SUMF1: variants seen among roughly 807,000 people sequenced by gnomAD.
The protein encoded by SUMF1 is sulfatase modifying factor 1.
SUMF1 carries 48 observed loss-of-function variants against 47.6 expected under a neutral mutation model. That is an observed-to-expected ratio of 1.01 (90% confidence interval 0.80 to 1.28). SUMF1 has a LOEUF of 1.28. Among genes scored for constraint, SUMF1 ranks in the 50% most tolerant of loss-of-function variants. The pLI is 0.00. For missense variants in SUMF1, 571 were observed against 485.4 expected (o/e 1.18, Z -1.66); for synonymous variants, 230 against 192.1 (o/e 1.20, Z -1.63).
chr3:4,151,588 C>CAT lies in SUMF1; in HGVS notation c.1015-82845_1015-82844dup, dbSNP rs1553604151. ...ACACACACACACACACACACACACACATGCAAGTATATAGAGCAGAGGTGT... is the reference window on the plus strand; with the variant it reads ...ACACACACACACACACACACACACACATATGCAAGTATATAGAGCAGAGGTGT... On this transcript the variant is annotated intron_variant and NMD_transcript_variant, in intron 8 of 12. Transcript: ENST00000448413. Among the ~76,000 whole-genome samples, 75 of 143,698 alleles carry CAT rather than the reference C, an allele frequency of 5.2e-4. 1 individual carries two copies. The highest frequency in any genetic ancestry group is 2.9e-3 in the East Asian group (14 of 4,904). The allele number at this position is 143,698 out of a possible 152,430, so 94.3% of individuals were successfully genotyped here.
At chr3:4,056,879 C>A (rs559580533) in intron 9 of SUMF1, among the ~76,000 whole-genome samples, 1 of 152,026 alleles carries the variant, frequency 6.6e-6, no homozygotes, top group East Asian at 1.9e-4. Flanking sequence ...GTAGCTGGGA[C>A]TACAGGTGCC....
chr3:4,366,371 G>A (rs1335140091), intron 8 of SUMF1, among the ~76,000 whole-genome samples: 1 of 152,026 alleles, frequency 6.6e-6, no homozygotes, highest in Non-Finnish European at 1.5e-5. Flanking sequence ...CGTAGATTTG[G>A]TCTTTTCACA....
chr3:4,335,069 G>A (rs985722939), intron 8 of SUMF1, among the ~76,000 whole-genome samples: 4 of 151,928 alleles, frequency 2.6e-5, no homozygotes, highest in South Asian at 4.1e-4. Context: ...TTTGTCTTTC[G>A]GCAGCTGCAG....
intron 8 of SUMF1, among the ~76,000 whole-genome samples, chr3:4,251,525 G>A (rs1192037461): frequency 1.3e-5 from 2 of 152,202 alleles, no homozygotes; most frequent in East Asian, 1.9e-4. Flanking sequence ...ATCATCACAT[G>A]CTTTACAGAG....
At chr3:4,211,121 T>TATATACACAC (rs150373609) in intron 8 of SUMF1, among the ~76,000 whole-genome samples, 5 of 128,296 alleles carry the variant, frequency 3.9e-5, no homozygotes, top group Admixed American at 1.6e-4. Context: ...TATATATATA[T>TATATACACAC]ACACACACAC....
Position 4,066,596 on chromosome 3 carries a change from T to C in SUMF1, c.1191+1973A>G, listed in dbSNP as rs546484055. On this transcript the variant is annotated intron_variant and NMD_transcript_variant, in intron 9 of 12. Coordinates refer to the SUMF1 transcript ENST00000448413. ...GAGATGCCAGACCCATTATTCCTCC[T>C]GACTGCTTCCTTACTCTTTCTTAAT... 8.5e-5 allele frequency among the ~76,000 whole-genome samples: 13 copies of C among 152,264 alleles called. No homozygotes were observed. The South Asian group carries it at 2.7e-3, about 32-fold the overall frequency.
At chr3:4,320,347 G>C (rs1332801648) in intron 8 of SUMF1, among the ~76,000 whole-genome samples, 1 of 152,188 alleles carries the variant, frequency 6.6e-6, no homozygotes, top group East Asian at 1.9e-4. Flanking sequence ...GATACAAGTT[G>C]TTTCCCATGG....
At chr3:4,225,076 T>G (rs1696144829) in intron 8 of SUMF1, among the ~76,000 whole-genome samples, 1 of 151,808 alleles carries the variant, frequency 6.6e-6, no homozygotes, top group African/African-American at 2.4e-5. Flanking sequence ...ACCAAATTAA[T>G]TACAGTAGAA....
chr3:4,423,491 T>C (rs534093869), intron 3 of SUMF1, among the ~76,000 whole-genome samples: 2 of 152,132 alleles, frequency 1.3e-5, no homozygotes, highest in Admixed American at 6.6e-5. Context: ...ACTCTCCTTT[T>C]CCTCTCAATT....
intron 8 of SUMF1, among the ~76,000 whole-genome samples, chr3:4,200,041 T>C (rs1695508791): frequency 6.6e-6 from 1 of 152,156 alleles, no homozygotes; most frequent in South Asian, 2.1e-4. Flanking sequence ...TTCATGTGTT[T>C]TGTGCCTAGC....
At chr3:4,176,212 G>A (rs1170981537) in intron 8 of SUMF1, among the ~76,000 whole-genome samples, 1 of 152,054 alleles carries the variant, frequency 6.6e-6, no homozygotes, top group African/African-American at 2.4e-5. Context: ...TCCTCAAGAA[G>A]AGCAACCCCA....
chr3:4,181,445 G>A (rs1184945930), intron 8 of SUMF1, among the ~76,000 whole-genome samples: 1 of 152,042 alleles, frequency 6.6e-6, no homozygotes, highest in Admixed American at 6.6e-5. Flanking sequence ...ATCTTCTTGG[G>A]GATTTCAGTC....
rs190198767 is a variant in SUMF1 at position 4,135,198 on chromosome 3, G to C, written c.1015-66453C>G. On this transcript the variant is annotated intron_variant and NMD_transcript_variant, in intron 8 of 12. Transcript: ENST00000448413. ...AGAGAAAATTTAGACCAATATCCTT[G>C]ATGAATATTGATGCAAAAATCCTCA... 1.0e-3 allele frequency among the ~76,000 whole-genome samples: 159 copies of C among 152,216 alleles called. 1 individual carries two copies. Among genetic ancestry groups the C allele is most frequent in the Admixed American group, 6.1e-3 (93 of 15,294 alleles).
At chr3:4,189,158 A>G (rs1036252944) in intron 8 of SUMF1, among the ~76,000 whole-genome samples, 4 of 152,146 alleles carry the variant, frequency 2.6e-5, no homozygotes, top group African/African-American at 9.7e-5. Flanking sequence ...TTATCTTAAT[A>G]TAATAAGCTG....
intron 8 of SUMF1, among the ~76,000 whole-genome samples, chr3:4,270,586 A>C (rs1415988686): frequency 6.6e-6 from 1 of 152,204 alleles, no homozygotes; most frequent in African/African-American, 2.4e-5. Flanking sequence ...GACAAAAGGA[A>C]TTGAGTGTAA....
chr3:4,276,748 G>A (rs1242923187), intron 8 of SUMF1, among the ~76,000 whole-genome samples: 1 of 152,102 alleles, frequency 6.6e-6, no homozygotes, highest in Non-Finnish European at 1.5e-5. Context: ...TGGCTTCATA[G>A]GCTTTATGCC....
intron 8 of SUMF1, among the ~76,000 whole-genome samples, chr3:4,147,850 C>A (rs1694231619): frequency 6.6e-6 from 1 of 152,082 alleles, no homozygotes; most frequent in Admixed American, 6.5e-5. Context: ...TTTCCCCTTC[C>A]CTGATCTTAA....
intron 8 of SUMF1, among the ~76,000 whole-genome samples, chr3:4,192,121 T>TG (rs981585751): frequency 2.6e-5 from 4 of 152,108 alleles, no homozygotes; most frequent in Admixed American, 6.6e-5. Flanking sequence ...CTTTGCCCAT[T>TG]GGGTCACAGC....
intron 8 of SUMF1, among the ~76,000 whole-genome samples, chr3:4,178,557 A>C (rs1262512309): frequency 6.6e-6 from 1 of 152,182 alleles, no homozygotes; most frequent in African/African-American, 2.4e-5. Flanking sequence ...AATAAGAGCT[A>C]TTTATGACAA....
Sources: gnomAD v4.1 joint callset for allele counts (sites outside exome capture counted in the v4.1 genomes callset) on GRCh38, gnomAD v4.1.1 for gene constraint, MANE v1.5 for transcripts, NCBI Gene and HGNC (gene_info 2026-07-23, HGNC 2026-07-21) for gene names.